Variants in RAD51AP2 observed in about 807,000 individuals in gnomAD.
RAD51AP2 encodes RAD51 associated protein 2.
Under a neutral mutation model 85.5 loss-of-function variants are expected in RAD51AP2, and 67 were observed. The observed-to-expected ratio is 0.78, with a 90% CI of 0.64 to 0.96. RAD51AP2 has a LOEUF of 0.96. RAD51AP2 is among the 40% of genes least tolerant of loss of function. RAD51AP2 has a pLI of 0.00. For synonymous variants in RAD51AP2, 474 were observed against 446.5 expected (o/e 1.06, Z -0.78); for missense variants, 1,307 against 1,332.4 (o/e 0.98, Z 0.30).
rs1223086196 is a variant in RAD51AP2 at position 17,518,296 on chromosome 2, C to A, written c.120G>T (p.Glu40Asp). The change falls in exon 1 of 3, where the codon GAG (glutamate) becomes GAT (aspartate). Residue 40 changes from glutamate to aspartate, a missense_variant. This residue lies in a region of RAD51AP2 where 635 missense variants were observed against 643.6 expected (regional missense o/e 0.99). Transcript: ENST00000399080. ...AGCCCGCCTTAAAGACACCTCCAGGCTCCTCAAGACAGAGCCGCTTGCTAC... is the reference window on the plus strand; with the variant it reads ...AGCCCGCCTTAAAGACACCTCCAGGATCCTCAAGACAGAGCCGCTTGCTAC... ...PPSSKRLCLE[E>D]PGGVFKAGWR... The A allele has an allele frequency of 1.5e-5, 24 of 1,614,064 alleles. No individual in the cohort carries two copies. Among genetic ancestry groups the A allele is most frequent in the Non-Finnish European group, 2.0e-5 (24 of 1,180,036 alleles).
upstream of RAD51AP2, among the ~76,000 whole-genome samples, chr2:17,523,154 T>C (rs1662893416): frequency 6.6e-6 from 1 of 151,876 alleles, no homozygotes; most frequent in Non-Finnish European, 1.5e-5. Context: ...GTAAAGTAAA[T>C]GAAATACAGT....
In RAD51AP2 at chr2:17,516,800, T is replaced by G; in HGVS notation, c.1616A>C (p.Lys539Thr). The change falls in exon 1 of 3, where the codon AAA becomes ACA. Residue 539 changes from lysine to threonine, a missense_variant. Physicochemically the swap from Lys to Thr is moderately conservative, Grantham distance 78. Transcript: ENST00000399080. The stretch of plus-strand genomic sequence containing the variant: ...AATACCAATTATACCAATTTGCTTT[T>G]TACACTTCAAAATGTTACAGCAGGT... Reference protein sequence around the residue: ...ILTCCNILKCKKQIGIIGIQN... With the variant: ...ILTCCNILKCTKQIGIIGIQN... 2.6e-6 allele frequency: 4 copies of G among 1,553,492 alleles called. No homozygotes were observed. Among genetic ancestry groups the G allele is most frequent in the Non-Finnish European group, 3.5e-6 (4 of 1,147,148 alleles).
At chr2:17,536,218 G>A in the RAD51AP2 span, among the ~76,000 whole-genome samples, 1 of 152,272 alleles carries the variant, frequency 6.6e-6, no homozygotes, top group South Asian at 2.1e-4. Flanking sequence ...AAGGGTTTTT[G>A]AAGACCCTTC....
chr2:17,510,999 T>C (rs764032560), intron 2 of RAD51AP2, 44 bp from the exon 3 acceptor site: 1 of 1,390,456 alleles, frequency 7.2e-7, no homozygotes, highest in East Asian at 2.5e-5. Flanking sequence ...CAATAGTTTC[T>C]ATGCCTAAAA....
intron 2 of RAD51AP2, 32 bp from the exon 3 acceptor site, chr2:17,510,987 A>G (rs767295211): frequency 1.3e-6 from 2 of 1,492,712 alleles, no homozygotes; most frequent in Non-Finnish European, 9.1e-7. Context: ...AGTAAAAATT[A>G]TCAATAGTTT....
upstream of RAD51AP2, among the ~76,000 whole-genome samples, chr2:17,518,610 C>A (rs1048621500): frequency 3.3e-5 from 5 of 149,848 alleles, no homozygotes; most frequent in Non-Finnish European, 7.4e-5. Flanking sequence ...CTCAGTCCCT[C>A]CTCTCCCTGC....
the RAD51AP2 span, among the ~76,000 whole-genome samples, chr2:17,530,804 T>C: frequency 6.6e-6 from 1 of 152,176 alleles, no homozygotes; most frequent in Admixed American, 6.5e-5. Flanking sequence ...AATAAAGGCC[T>C]ATTTTTAAAA....
In RAD51AP2 at chr2:17,517,305, C is replaced by T. The variant is rs1201765635; in HGVS notation, c.1111G>A (p.Glu371Lys). The T allele has an allele frequency of 6.2e-7, 1 of 1,613,900 alleles. No homozygotes were observed. Among genetic ancestry groups the T allele is most frequent in the Non-Finnish European group, 8.5e-7 (1 of 1,179,966 alleles). Residue 371 changes from glutamate to lysine, a missense_variant, in exon 1 of 3, where the codon GAA becomes AAA. This residue lies in a region of RAD51AP2 where 635 missense variants were observed against 643.6 expected (regional missense o/e 0.99). Coordinates refer to ENST00000399080, the MANE Select transcript of RAD51AP2 (RefSeq NM_001099218.3). Reference protein sequence around the residue: ...RDSRKNFAILENANWEEAECL... With the variant: ...RDSRKNFAILKNANWEEAECL... ...TCTGCTTCCTCCCAATTTGCATTTT[C>T]TAGTATAGCGAAATTCTTTCTAGAG...
rs777369019 is a variant in RAD51AP2 at position 17,515,506 on chromosome 2, T to G, written c.2910A>C (p.Leu970Phe). ...GAAACATACGAAGTTCTTCAAGTAC[T>G]AAGTCAAATTTTCTCTTCATCTCAA... Reference protein sequence around the residue: ...KDFEMKRKFDLVLEELRMFHE... With the variant: ...KDFEMKRKFDFVLEELRMFHE... Residue 970 changes from leucine (L) to phenylalanine (F), a missense_variant, in exon 1 of 3, where the codon TTA becomes TTC. Coordinates refer to ENST00000399080, the MANE Select transcript of RAD51AP2 (RefSeq NM_001099218.3). 4 of 1,612,810 alleles carry G rather than the reference T, an allele frequency of 2.5e-6. No individual in the cohort carries two copies. The South Asian group carries it at 4.4e-5, about 18-fold the overall frequency.
Position 17,517,040 on chromosome 2 carries a change from G to T in RAD51AP2, c.1376C>A (p.Ser459Ter), listed in dbSNP as rs752732691. The part of the protein sequence containing the change: ...AKVINAYEEQ[S>*]KLLVREILGS... ...TAATATTTCTCTTACGAGAAGCTTT[G>T]ATTGTTCTTCATATGCATTGATGAC... is the stretch of plus-strand genomic sequence containing the variant. Residue 459 changes from serine to a stop codon, truncating the protein, a stop_gained, in exon 1 of 3, where the codon TCA (serine) becomes TAA (stop). Transcript: ENST00000399080. LOFTEE classifies it high-confidence loss of function. 1 of 1,608,666 alleles carries T rather than the reference G, an allele frequency of 6.2e-7. No individual in the cohort carries two copies. Among genetic ancestry groups the T allele is most frequent in the Non-Finnish European group, 8.5e-7 (1 of 1,178,522 alleles).
At chr2:17,514,213 G>T in intron 1 of RAD51AP2, 121 bp from the exon 2 acceptor site, 1 of 729,796 alleles carries the variant, frequency 1.4e-6, no homozygotes. Flanking sequence ...TTAGAAAAAT[G>T]AAGTAGGACT....
At chr2:17,515,032 G>T in intron 1 of RAD51AP2, 137 bp downstream of exon 1, 2 of 581,726 alleles carry the variant, frequency 3.4e-6, no homozygotes, top group Non-Finnish European at 5.6e-6. Context: ...AAAGAAAATA[G>T]TGTGCATCAA....
chr2:17,518,817 T>C (rs1156462602), upstream of RAD51AP2, among the ~76,000 whole-genome samples: 2 of 152,180 alleles, frequency 1.3e-5, no homozygotes, highest in Non-Finnish European at 2.9e-5. Context: ...AACAACTTTA[T>C]TTTCTAAATT....
chr2:17,534,518 T>C, the RAD51AP2 span, among the ~76,000 whole-genome samples: 1 of 152,166 alleles, frequency 6.6e-6, no homozygotes, highest in South Asian at 2.1e-4. Context: ...CACTTTACTT[T>C]TAGAAAGCAT....
Position 17,517,452 on chromosome 2 carries a change from T to C in RAD51AP2, c.964A>G (p.Ile322Val), listed in dbSNP as rs748825266. The part of the protein sequence containing the change: ...NDKKTVEAEN[I>V]FSKCYENDYP... ...TCATTTTCATAACATTTGGAAAAAA[T>C]GTTTTCCGCTTCTACAGTTTTTTTA... The change falls in exon 1 of 3, where the codon ATT (isoleucine) becomes GTT (valine). Residue 322 changes from isoleucine (I) to valine (V), a missense_variant. Transcript: ENST00000399080. 6.2e-5 allele frequency: 100 copies of C among 1,613,786 alleles called. 1 individual carries two copies. The South Asian group carries it at 1.0e-3, about 16-fold the overall frequency.
In RAD51AP2 at chr2:17,517,555, C is replaced by T; in HGVS notation, c.861G>A (p.Glu287=). 3.7e-6 allele frequency: 6 copies of T among 1,613,606 alleles called. No homozygotes were observed. Among genetic ancestry groups the T allele is most frequent in the Middle Eastern group, 1.7e-4 (1 of 6,058 alleles). The change falls in exon 1 of 3, where the codon GAG becomes GAA. Residue 287 remains glutamate, a synonymous_variant. Coordinates refer to ENST00000399080, the MANE Select transcript of RAD51AP2 (RefSeq NM_001099218.3). The stretch of plus-strand genomic sequence containing the variant: ...TGTTTGTGAAATCCCTAACATATGC[C>T]TCTTTTTTGTCATTCTTTTTCTTCG... The part of the protein sequence containing the change: ...EIAKKKNDKK[E]AYVRDFTNIY...
the RAD51AP2 span, among the ~76,000 whole-genome samples, chr2:17,527,595 A>G: frequency 6.6e-6 from 1 of 152,214 alleles, no homozygotes; most frequent in African/African-American, 2.4e-5. Flanking sequence ...GGAATAATAT[A>G]TTTTAGAAAT....
Position 17,516,686 on chromosome 2 carries a change from T to G in RAD51AP2, c.1730A>C (p.Asp577Ala), listed in dbSNP as rs1375635269. ...AGCTATGTTAGTTTTCAATAGAATA[T>G]CTAAAGGTTCTGAAACACTATCTTG... is the stretch of plus-strand genomic sequence containing the variant. ...YLQDSVSEPL[D>A]ILLKTNIAFL... Residue 577 changes from aspartate to alanine, a missense_variant, in exon 1 of 3, where the codon GAT (aspartate) becomes GCT (alanine). Asp to Ala is a moderately radical substitution (Grantham distance 126). Coordinates refer to ENST00000399080, the MANE Select transcript of RAD51AP2 (RefSeq NM_001099218.3). 1 of 1,573,188 alleles carries G rather than the reference T, an allele frequency of 6.4e-7. No individual in the cohort carries two copies. Among genetic ancestry groups the G allele is most frequent in the Admixed American group, 1.9e-5 (1 of 53,848 alleles).
At chr2:17,531,358 T>A in the RAD51AP2 span, among the ~76,000 whole-genome samples, 2 of 152,134 alleles carry the variant, frequency 1.3e-5, no homozygotes, top group Non-Finnish European at 2.9e-5. Context: ...TATTAAATAA[T>A]GTTATTTAGT....
Sources: gnomAD v4.1 joint callset for allele counts (sites outside exome capture counted in the v4.1 genomes callset) on GRCh38, gnomAD v4.1.1 for gene constraint, gnomAD v4.1.1 regional missense constraint, MANE v1.5 for transcripts, NCBI Gene and HGNC (gene_info 2026-07-23, HGNC 2026-07-21) for gene names.